The following LARGE1 variants were observed in gnomAD, a reference collection of about 807,000 sequenced individuals.
LARGE1 encodes the protein xylosyl- and glucuronyltransferase LARGE1.
Under a neutral mutation model 87.6 loss-of-function variants are expected in LARGE1, and 43 were observed. The observed-to-expected ratio is 0.49, with a 90% CI of 0.38 to 0.63. The LOEUF is 0.63. LARGE1 is among the 30% of genes least tolerant of loss of function. LARGE1 has a pLI of 0.00. For missense variants in LARGE1, 802 were observed against 1,000.2 expected, an observed-to-expected ratio of 0.80 and a Z score of 2.67; for synonymous variants, 434 against 394.6, an observed-to-expected ratio of 1.10 and a Z score of -1.18.
chr22:33,420,483 G>A (rs1183283785), intron 7 of LARGE1, among the ~76,000 whole-genome samples: 3 of 152,220 alleles, frequency 2.0e-5, no homozygotes, highest in Admixed American at 6.5e-5. Context: ...GAATAGCATG[G>A]AGGCTGTAGT....
chr22:33,918,287 T>C (rs962833798), intron 1 of LARGE1, among the ~76,000 whole-genome samples: 1 of 152,224 alleles, frequency 6.6e-6, no homozygotes, highest in Non-Finnish European at 1.5e-5. Context: ...CCCACACTTG[T>C]CAGCAGCTAC....
chr22:33,361,737 C>CTTTAGAGTCCCTCCTT (rs2064394299), intron 9 of LARGE1, among the ~76,000 whole-genome samples: 1 of 149,590 alleles, frequency 6.7e-6, no homozygotes, highest in Admixed American at 6.6e-5. Flanking sequence ...AGTCCCTCCT[C>CTTTAGAGTCCCTCCTT]TTTAGAGTCC....
At chr22:33,709,055 T>C (rs1404846926) in intron 2 of LARGE1, among the ~76,000 whole-genome samples, 2 of 152,194 alleles carry the variant, frequency 1.3e-5, no homozygotes, top group Admixed American at 6.5e-5. Flanking sequence ...TGACCTCATT[T>C]TACTTTAATC....
intron 1 of LARGE1, among the ~76,000 whole-genome samples, chr22:33,903,798 C>T (rs2065354863): frequency 6.6e-6 from 1 of 152,090 alleles, no homozygotes; most frequent in Non-Finnish European, 1.5e-5. Context: ...GCACCCTAGC[C>T]TGGTGACAGA....
intron 7 of LARGE1, among the ~76,000 whole-genome samples, chr22:33,412,486 C>A (rs1278774252): frequency 1.3e-5 from 2 of 152,020 alleles, no homozygotes; most frequent in Non-Finnish European, 2.9e-5. Flanking sequence ...CAGCACGACC[C>A]CACTGCATGG....
chr22:33,541,058 G>GGC (rs1569252207), intron 6 of LARGE1, among the ~76,000 whole-genome samples: 1 of 97,104 alleles, frequency 1.0e-5, no homozygotes, highest in Non-Finnish European at 2.2e-5. Flanking sequence ...GGGTTGCGGG[G>GGC]GGGGGGGGGC....
At chr22:33,873,570 C>G (rs377669817) in intron 1 of LARGE1, among the ~76,000 whole-genome samples, 5 of 152,268 alleles carry the variant, frequency 3.3e-5, no homozygotes, top group South Asian at 4.2e-4. Flanking sequence ...AGCCTCTTCA[C>G]CCACCCAGGA....
At chr22:33,697,625 T>G (rs1306831322) in intron 2 of LARGE1, among the ~76,000 whole-genome samples, 1 of 145,910 alleles carries the variant, frequency 6.9e-6, no homozygotes, top group East Asian at 2.1e-4. Flanking sequence ...GTAACTGAAC[T>G]CTAATGGTTA....
intron 6 of LARGE1, among the ~76,000 whole-genome samples, chr22:33,527,508 C>T (rs140989593): frequency 7.2e-5 from 11 of 152,244 alleles, no homozygotes; most frequent in African/African-American, 2.2e-4. Context: ...GGGTGGCACT[C>T]GGATGGCAAT....
chr22:33,872,408 G>T (rs9621788), intron 1 of LARGE1, among the ~76,000 whole-genome samples: 22,971 of 148,256 alleles, frequency 0.15, 1,875 homozygotes, highest in South Asian at 0.31. Flanking sequence ...TTACTAGCAC[G>T]ATCTTTGCCA....
At chr22:33,590,859 C>G (rs1044230071) in intron 5 of LARGE1, among the ~76,000 whole-genome samples, 7 of 152,140 alleles carry the variant, frequency 4.6e-5, no homozygotes, top group Non-Finnish European at 1.0e-4. Flanking sequence ...TGGTTGAACA[C>G]CTAGGAGTGG....
At chr22:33,889,965 A>G (rs574709962) in intron 1 of LARGE1, among the ~76,000 whole-genome samples, 13 of 152,320 alleles carry the variant, frequency 8.5e-5, no homozygotes, top group Admixed American at 7.8e-4. Context: ...ACCACCAGCC[A>G]TGTCAGTGCT....
chr22:33,092,227 A>G, the LARGE1 span, among the ~76,000 whole-genome samples: 1 of 150,616 alleles, frequency 6.6e-6, no homozygotes, highest in African/African-American at 2.4e-5. Context: ...CCTTAATAAG[A>G]CTATGTAGAA....
chr22:33,578,320 C>T (rs890393731), intron 5 of LARGE1, among the ~76,000 whole-genome samples: 1 of 152,062 alleles, frequency 6.6e-6, no homozygotes, highest in Non-Finnish European at 1.5e-5. Flanking sequence ...GGGGATTTGG[C>T]TACTGATCAA....
chr22:33,875,247 C>T (rs2064427825), intron 1 of LARGE1, among the ~76,000 whole-genome samples: 2 of 152,238 alleles, frequency 1.3e-5, no homozygotes, highest in African/African-American at 4.8e-5. Context: ...ACCCCACCCT[C>T]ACCATTCTGG....
intron 6 of LARGE1, among the ~76,000 whole-genome samples, chr22:33,498,254 C>T (rs74976440): frequency 1.6e-4 from 24 of 152,164 alleles, no homozygotes; most frequent in Admixed American, 7.9e-4. Flanking sequence ...CTGGCCCCCA[C>T]GGTGGAGGGG....
chr22:33,604,399 A>G (rs2079193775), intron 5 of LARGE1, 36 bp downstream of exon 5: 1 of 1,613,532 alleles, frequency 6.2e-7, no homozygotes, highest in African/African-American at 1.3e-5. Flanking sequence ...TTCCAGCTAG[A>G]GGAGATCACG....
chr22:33,759,150 C>T (rs532829080), intron 2 of LARGE1, among the ~76,000 whole-genome samples: 1 of 152,124 alleles, frequency 6.6e-6, no homozygotes, highest in African/African-American at 2.4e-5. Flanking sequence ...AGCTACAAGC[C>T]CCTGGATCCA....
chr22:33,071,565 T>C, the LARGE1 span, among the ~76,000 whole-genome samples: 1 of 152,190 alleles, frequency 6.6e-6, no homozygotes, highest in Non-Finnish European at 1.5e-5. Context: ...ACATGCATAT[T>C]GTTTTCAGGC....
Sources: allele counts gnomAD v4.1 joint callset (sites outside exome capture counted in the v4.1 genomes callset), GRCh38; gene constraint gnomAD v4.1.1; transcripts MANE v1.5; gene names NCBI Gene and HGNC (gene_info 2026-07-23, HGNC 2026-07-21).